The following CAMK4 variants were observed in gnomAD, a reference collection of about 807,000 sequenced individuals.
CAMK4 encodes the protein calcium/calmodulin-dependent protein kinase type IV.
In CAMK4, 22 loss-of-function variants were observed where a neutral mutation model predicts 44.9. That is an observed-to-expected ratio of 0.49 (90% CI 0.35 to 0.70). CAMK4 has a LOEUF of 0.70. CAMK4 is among the 30% of genes least tolerant of loss of function. The probability of loss-of-function intolerance (pLI) is 0.01; values close to 1 mark genes in which losing one functional copy is unlikely to be tolerated. For synonymous variants in CAMK4, 218 were observed against 215.4 expected, an observed-to-expected ratio of 1.01 and a Z score of -0.11; for missense variants, 498 against 586.8, an observed-to-expected ratio of 0.85 and a Z score of 1.56.
At chr5:111,281,619 T>C (rs1299918875) in intron 1 of CAMK4, among the ~76,000 whole-genome samples, 1 of 152,172 alleles carries the variant, frequency 6.6e-6, no homozygotes, top group Non-Finnish European at 1.5e-5. Context: ...AATGAGAAGA[T>C]TATCAAGAGA....
intron 7 of CAMK4, among the ~76,000 whole-genome samples, chr5:111,454,243 G>C (rs773073383): frequency 2.6e-5 from 4 of 152,142 alleles, no homozygotes; most frequent in Non-Finnish European, 5.9e-5. Flanking sequence ...TTATCCTTAA[G>C]TGCACTGTGT....
At chr5:111,292,982 G>T (rs1747336894) in intron 1 of CAMK4, among the ~76,000 whole-genome samples, 3 of 152,148 alleles carry the variant, frequency 2.0e-5, no homozygotes, top group African/African-American at 2.4e-5. Context: ...TTTAATGCTT[G>T]AATGAAGCAA....
At chr5:111,414,603 AAAT>A (rs1329403015) in intron 5 of CAMK4, among the ~76,000 whole-genome samples, 8 of 152,226 alleles carry the variant, frequency 5.3e-5, no homozygotes, top group Non-Finnish European at 1.0e-4. Context: ...GGATAAAATG[AAAT>A]AATTATTTGC....
At chr5:111,450,279 A>C (rs910472776) in intron 7 of CAMK4, among the ~76,000 whole-genome samples, 3 of 152,208 alleles carry the variant, frequency 2.0e-5, no homozygotes, top group Admixed American at 2.0e-4. Flanking sequence ...GGTTGCAGTG[A>C]GCCAAGATCG....
chr5:111,428,851 G>T (rs1227986398), intron 5 of CAMK4, among the ~76,000 whole-genome samples: 1 of 152,142 alleles, frequency 6.6e-6, no homozygotes, highest in Non-Finnish European at 1.5e-5. Flanking sequence ...GTACAAGGAG[G>T]TTATAGAATA....
At position 111,411,898 on chromosome 5, in the gene CAMK4, A is replaced by G. The variant is rs114052308; in HGVS notation, c.459+17116A>G. Among the ~76,000 whole-genome samples, 608 of 152,332 alleles carry G rather than the reference A, an allele frequency of 4.0e-3. 6 individuals carry two copies. The highest frequency in any genetic ancestry group is 0.014 in the African/African-American group (575 of 41,578). On this transcript the variant is annotated intron_variant, in intron 5 of 10. Transcript: ENST00000282356. ...TTTTGGAAAAAGACATTAAAAGGGTATGGAAGATATCTTTTAAAAGCATCT... is the reference window on the plus strand; with the variant it reads ...TTTTGGAAAAAGACATTAAAAGGGTGTGGAAGATATCTTTTAAAAGCATCT...
At chr5:111,409,328 C>T (rs1476334472) in intron 5 of CAMK4, among the ~76,000 whole-genome samples, 1 of 152,228 alleles carries the variant, frequency 6.6e-6, no homozygotes, top group Non-Finnish European at 1.5e-5. Context: ...AGGCTTGGGG[C>T]TTGCACCTTC....
chr5:111,284,104 C>A (rs1004568082), intron 1 of CAMK4, among the ~76,000 whole-genome samples: 4 of 152,118 alleles, frequency 2.6e-5, no homozygotes, highest in African/African-American at 9.7e-5. Flanking sequence ...ATTATAGTAT[C>A]CCTTCTTTAA....
Position 111,252,269 on chromosome 5 carries a change from G to T in CAMK4, c.161+27625G>T, listed in dbSNP as rs71579143. On this transcript the variant is annotated intron_variant, in intron 1 of 10. Transcript: ENST00000282356. ...ACTTGAGTGGGGACTCTGATTGTTG[G>T]CTGCTGTAGTATCATCCGTGCCTAG... 1.1e-3 allele frequency among the ~76,000 whole-genome samples: 170 copies of T among 152,146 alleles called. 1 individual carries two copies. Among genetic ancestry groups the T allele is most frequent in the Admixed American group, 2.2e-3 (34 of 15,266 alleles).
At chr5:111,343,845 G>A (rs1048400242) in intron 1 of CAMK4, among the ~76,000 whole-genome samples, 179 bp from the exon 2 acceptor site, 6 of 81,374 alleles carry the variant, frequency 7.4e-5, no homozygotes, top group Admixed American at 3.0e-4. Flanking sequence ...TGAGCAAACT[G>A]TGTTCAATTG....
At position 111,224,612 on chromosome 5, in the gene CAMK4, C is replaced by A; in HGVS notation, c.129C>A (p.Ser43Arg). Reference sequence around the variant, plus strand: ...ACGGCTCCAACAGGGATGCGCTGAGCGATTTCTTCGAGGTGGAGTCGGAGC... The same window carrying A: ...ACGGCTCCAACAGGGATGCGCTGAGAGATTTCTTCGAGGTGGAGTCGGAGC... Reference protein sequence around the residue: ...WIDGSNRDALSDFFEVESELG... With the variant: ...WIDGSNRDALRDFFEVESELG... Residue 43 changes from serine (S) to arginine (R), a missense_variant, in exon 1 of 11, where the codon AGC (serine) becomes AGA (arginine). Transcript: ENST00000282356. The surrounding 1 kb of genome is among the most constrained non-coding windows in gnomAD (Gnocchi z 5.7). 3 of 1,611,312 alleles carry A rather than the reference C, an allele frequency of 1.9e-6. No individual in the cohort carries two copies. Among genetic ancestry groups the A allele is most frequent in the Non-Finnish European group, 2.5e-6 (3 of 1,179,392 alleles).
At chr5:111,383,870 G>A (rs1031265552) in intron 4 of CAMK4, among the ~76,000 whole-genome samples, 1 of 152,082 alleles carries the variant, frequency 6.6e-6, no homozygotes, top group African/African-American at 2.4e-5. Context: ...ACTTTAAAAA[G>A]TTTATGCTAA....
upstream of CAMK4, chr5:111,224,320 G>T: frequency 9.4e-7 from 1 of 1,064,166 alleles, no homozygotes; most frequent in Non-Finnish European, 1.2e-6. This position sits in a 1 kb window ranked among gnomAD's most constrained non-coding sequence, Gnocchi z 5.7. Flanking sequence ...CCCCTTCCCC[G>T]CCCACCGTCC....
chr5:111,431,046 A>C (rs1045795996), intron 5 of CAMK4, among the ~76,000 whole-genome samples: 2 of 152,042 alleles, frequency 1.3e-5, no homozygotes, highest in Non-Finnish European at 2.9e-5. Flanking sequence ...AAACAAAAAA[A>C]CCACCTGGAG....
chr5:111,329,239 G>T (rs888007187), intron 1 of CAMK4, among the ~76,000 whole-genome samples: 4 of 151,804 alleles, frequency 2.6e-5, no homozygotes, highest in Non-Finnish European at 4.4e-5. Flanking sequence ...AAAATAATAA[G>T]AGCTATCTAT....
At chr5:111,454,579 C>A (rs535896129) in intron 7 of CAMK4, among the ~76,000 whole-genome samples, 1 of 145,066 alleles carries the variant, frequency 6.9e-6, no homozygotes, top group African/African-American at 2.5e-5. Context: ...AAAAATAACC[C>A]ATGAAGAGTT....
chr5:111,259,659 A>G (rs72780332), intron 1 of CAMK4, among the ~76,000 whole-genome samples: 1 of 152,314 alleles, frequency 6.6e-6, no homozygotes, highest in Middle Eastern at 3.4e-3. Flanking sequence ...TGCCAAACTT[A>G]TATGTGGTAT....
chr5:111,449,046 T>C, intron 6 of CAMK4, 83 bp from the exon 7 acceptor site: 1 of 623,730 alleles, frequency 1.6e-6, no homozygotes, highest in Admixed American at 2.8e-5. Flanking sequence ...GATAAATAAG[T>C]TAGTTTTATT....
chr5:111,293,222 T>C (rs1298966395), intron 1 of CAMK4, among the ~76,000 whole-genome samples: 4 of 152,164 alleles, frequency 2.6e-5, no homozygotes, highest in Non-Finnish European at 5.9e-5. Context: ...GTGTCATACA[T>C]TGTTCTGGAT....
Sources: gnomAD v4.1 joint callset for allele counts (sites outside exome capture counted in the v4.1 genomes callset) on GRCh38, gnomAD v4.1.1 for gene constraint, Gnocchi (gnomAD v3.1) non-coding constraint, MANE v1.5 for transcripts, NCBI Gene and HGNC (gene_info 2026-07-23, HGNC 2026-07-21) for gene names.